Variants in KAZN observed in about 807,000 individuals in gnomAD.
KAZN encodes the protein kazrin.
A neutral mutation model predicts 87.4 loss-of-function variants in KAZN; 40 were observed. That is an observed-to-expected ratio of 0.46 (90% CI 0.36 to 0.60). KAZN has a LOEUF of 0.60. Ranked by LOEUF, KAZN falls within the 20% of genes least tolerant of loss-of-function variation. The probability of loss-of-function intolerance (pLI) is 0.00; values close to 1 mark genes in which losing one functional copy is unlikely to be tolerated. For missense variants in KAZN, 898 were observed against 1,073.9 expected (o/e 0.84, Z 2.29); for synonymous variants, 466 against 458.3 (o/e 1.02, Z -0.22).
chr1:13,914,350 ATAT>A (rs1396310398), intron 1 of KAZN, among the ~76,000 whole-genome samples: 1 of 152,208 alleles, frequency 6.6e-6, no homozygotes, highest in African/African-American at 2.4e-5. Flanking sequence ...CATGGGGATA[ATAT>A]TATTGTTGAC....
chr1:14,749,812 T>A (rs1472142240), intron 1 of KAZN, among the ~76,000 whole-genome samples: 1 of 151,922 alleles, frequency 6.6e-6, no homozygotes, highest in East Asian at 1.9e-4. Flanking sequence ...GTCTTGGGAG[T>A]CGTATCACCT....
At chr1:14,906,540 T>A (rs1572791297) in intron 1 of KAZN, among the ~76,000 whole-genome samples, 1 of 152,046 alleles carries the variant, frequency 6.6e-6, no homozygotes, top group Admixed American at 6.6e-5. Flanking sequence ...CTGTAAAGTT[T>A]ATTTTACTTT....
intron 1 of KAZN, among the ~76,000 whole-genome samples, chr1:14,931,155 G>A (rs547738306): frequency 1.3e-5 from 2 of 152,154 alleles, no homozygotes; most frequent in Non-Finnish European, 2.9e-5. Context: ...AGGTATGGGA[G>A]GCTGGGCTCG....
At chr1:14,519,485 C>A (rs998060788) in intron 2 of KAZN, among the ~76,000 whole-genome samples, 3 of 152,168 alleles carry the variant, frequency 2.0e-5, no homozygotes, top group African/African-American at 7.2e-5. Context: ...TCGTGGGTAT[C>A]CTCCCTCAGT....
At chr1:14,503,992 A>G (rs1222357610) in intron 2 of KAZN, among the ~76,000 whole-genome samples, 1 of 152,130 alleles carries the variant, frequency 6.6e-6, no homozygotes, top group East Asian at 1.9e-4. Context: ...CATTTAAGGA[A>G]GCCCTCACTC....
In KAZN at chr1:14,960,848, C is replaced by A; in HGVS notation, c.391C>A (p.Leu131Ile). 2 of 1,609,760 alleles carry A rather than the reference C, an allele frequency of 1.2e-6. No homozygotes were observed. Among genetic ancestry groups the A allele is most frequent in the Non-Finnish European group, 1.7e-6 (2 of 1,177,878 alleles). Residue 131 changes from leucine to isoleucine, a missense_variant, in exon 2 of 15, where the codon CTA becomes ATA. Physicochemically the swap from Leu to Ile is conservative, Grantham distance 5 (BLOSUM62 2). Around this residue, in one of 3 missense-constraint regions of KAZN, gnomAD observed 250 missense variants for 263.0 expected, o/e 0.95. Transcript: ENST00000376030. ...RVQLAQKEQE[L>I]ARAKEALQAM... ...CCAGCTGGCCCAGAAGGAGCAGGAG[C>A]TAGCCAGAGCCAAAGAAGCCTTGCA...
chr1:14,599,197 TG>T lies in KAZN; in HGVS notation c.202del (p.Glu68ArgfsTer28). The T allele has an allele frequency of 7.1e-7, 1 of 1,402,750 alleles. No homozygotes were observed. The highest frequency in any genetic ancestry group is 1.8e-5 in the South Asian group (1 of 56,486). The allele number at this position is 1,402,750 out of a possible 1,614,324, so 86.9% of individuals were successfully genotyped here. On this transcript the variant is annotated frameshift_variant, in exon 1 of 15. Transcript: ENST00000376030. LOFTEE classifies it high-confidence loss of function. The surrounding 1 kb of genome is among the most constrained non-coding windows in gnomAD (Gnocchi z 4.4). Reference sequence around the variant, plus strand: ...GCGGGGGACTCGGCGGCGACGAACATGGAGAACCCCCAGCTTGGAGCGCAAG... The same window carrying T: ...GCGGGGGACTCGGCGGCGACGAACATGAGAACCCCCAGCTTGGAGCGCAAG... ...SAAGDSAATN[M>X]ENPQLGAQVL...
At chr1:14,685,306 T>C (rs934484016) in intron 1 of KAZN, among the ~76,000 whole-genome samples, 5 of 152,138 alleles carry the variant, frequency 3.3e-5, no homozygotes, top group African/African-American at 1.2e-4. Flanking sequence ...GCTGGGGTAT[T>C]TATACACCAA....
At chr1:14,589,330 G>A (rs1249051084) in intron 2 of KAZN, among the ~76,000 whole-genome samples, 9 of 39,266 alleles carry the variant, frequency 2.3e-4, no homozygotes, top group African/African-American at 1.7e-3. Flanking sequence ...AACAAGGCAG[G>A]TAAAAAAAAA....
chr1:14,232,372 C>A (rs1647945964), intron 2 of KAZN, among the ~76,000 whole-genome samples: 1 of 152,070 alleles, frequency 6.6e-6, no homozygotes, highest in African/African-American at 2.4e-5. Context: ...CCTCTCATTC[C>A]TTAGGTTTTA....
chr1:14,431,244 T>C (rs1666052702), intron 2 of KAZN, among the ~76,000 whole-genome samples: 1 of 152,176 alleles, frequency 6.6e-6, no homozygotes, highest in South Asian at 2.1e-4. Flanking sequence ...TGCTCGACAA[T>C]TTCTCATTTA....
chr1:14,328,564 G>A (rs980443550), intron 2 of KAZN, among the ~76,000 whole-genome samples: 2 of 151,968 alleles, frequency 1.3e-5, no homozygotes, highest in South Asian at 2.1e-4. Flanking sequence ...TTAGCTGGGC[G>A]TGGTGGTGAG....
In KAZN at chr1:14,333,010, C is replaced by G. The variant is rs545310872; in HGVS notation, c.249+152418C>G. Among the ~76,000 whole-genome samples the G allele has an allele frequency of 3.3e-5, 5 of 152,264 alleles. No individual in the cohort carries two copies. In the East Asian group the frequency reaches 9.7e-4, roughly 29 times the overall value. On this transcript the variant is annotated intron_variant, in intron 2 of 16. Transcript: ENST00000636203. Reference sequence around the variant, plus strand: ...AAGTATTAAGCCCAGCATGCATTAGCTATTTTTCCTTATGCTCTCCCTACC... The same window carrying G: ...AAGTATTAAGCCCAGCATGCATTAGGTATTTTTCCTTATGCTCTCCCTACC...
intron 2 of KAZN, among the ~76,000 whole-genome samples, chr1:14,246,652 A>G (rs894394601): frequency 1.3e-5 from 2 of 152,216 alleles, no homozygotes; most frequent in Non-Finnish European, 2.9e-5. Context: ...CCCCCCAGCC[A>G]AACTAATTAC....
intron 3 of KAZN, among the ~76,000 whole-genome samples, chr1:15,041,652 G>A (rs1219150790): frequency 1.3e-5 from 2 of 151,966 alleles, no homozygotes; most frequent in Non-Finnish European, 2.9e-5. Flanking sequence ...CCCCTCTTAT[G>A]TCCATGTGAT....
intron 2 of KAZN, among the ~76,000 whole-genome samples, chr1:14,313,902 G>GA (rs150292971): frequency 0.025 from 3,832 of 151,752 alleles, 169 homozygotes; most frequent in African/African-American, 0.088. Flanking sequence ...ATAAATGTAG[G>GA]AAAAAAAATG....
chr1:14,089,933 C>T (rs985924580), intron 1 of KAZN, among the ~76,000 whole-genome samples: 2 of 152,016 alleles, frequency 1.3e-5, no homozygotes, highest in African/African-American at 4.8e-5. Context: ...AGAAATCACT[C>T]CATTGTCTTC....
chr1:14,662,570 A>G (rs1421966318), intron 1 of KAZN, among the ~76,000 whole-genome samples: 1 of 152,034 alleles, frequency 6.6e-6, no homozygotes, highest in Non-Finnish European at 1.5e-5. Flanking sequence ...TTAAAAGCTA[A>G]GTACATTTCT....
chr1:14,440,032 C>T (rs1079222), intron 2 of KAZN, among the ~76,000 whole-genome samples: 15,215 of 152,208 alleles, frequency 0.1, 1,155 homozygotes, highest in African/African-American at 0.2. Context: ...ACCTCTCCCC[C>T]TCTAAGAGGT....
Sources: allele counts gnomAD v4.1 joint callset (sites outside exome capture counted in the v4.1 genomes callset), GRCh38; gene constraint gnomAD v4.1.1; regional missense constraint gnomAD v4.1.1; non-coding constraint Gnocchi (gnomAD v3.1); transcripts MANE v1.5; gene names NCBI Gene and HGNC (gene_info 2026-07-23, HGNC 2026-07-21).